Variants in CNBD1 observed in about 807,000 individuals in gnomAD.
The protein encoded by CNBD1 is cyclic nucleotide binding domain containing 1.
In CNBD1, 71 loss-of-function variants were observed where a neutral mutation model predicts 54.4. The ratio of observed to expected loss-of-function variants is 1.30; its 90% CI spans 1.08 to 1.59. The LOEUF is 1.59. Among genes scored for constraint, CNBD1 ranks in the 40% most tolerant of loss-of-function variants. The pLI, the probability that CNBD1 is intolerant of heterozygous loss-of-function variation, is 0.00. For missense variants in CNBD1, 659 were observed against 518.0 expected (o/e 1.27, Z -2.64); for synonymous variants, 182 against 170.7 (o/e 1.07, Z -0.51).
At chr8:87,145,317 T>C (rs1812460073) in intron 4 of CNBD1, among the ~76,000 whole-genome samples, 1 of 152,118 alleles carries the variant, frequency 6.6e-6, no homozygotes, top group African/African-American at 2.4e-5. Context: ...AAAATTAATG[T>C]CAACTTTAGA....
intron 4 of CNBD1, among the ~76,000 whole-genome samples, chr8:86,995,711 TGA>T (rs1243943097): frequency 0.049 from 3,544 of 72,082 alleles, 130 homozygotes; most frequent in African/African-American, 0.13. Flanking sequence ...TGTGTGTGTG[TGA>T]GAGAGAGAGA....
chr8:87,134,747 C>T (rs1383483435), intron 4 of CNBD1, among the ~76,000 whole-genome samples: 7 of 151,378 alleles, frequency 4.6e-5, no homozygotes, highest in East Asian at 3.9e-4. Context: ...GGACTACAGG[C>T]GCCAGTCACC....
At chr8:86,934,034 G>T (rs1321838213) in intron 3 of CNBD1, among the ~76,000 whole-genome samples, 1 of 152,052 alleles carries the variant, frequency 6.6e-6, no homozygotes, top group African/African-American at 2.4e-5. Context: ...CAAAAATTTA[G>T]TATCTATAGA....
chr8:87,339,947 C>T (rs1165715026), intron 8 of CNBD1, among the ~76,000 whole-genome samples: 2 of 152,038 alleles, frequency 1.3e-5, no homozygotes, highest in African/African-American at 4.8e-5. Context: ...TTACAGTATT[C>T]TATTTTTGTC....
At chr8:87,083,585 CTTTTT>C (rs752855766) in intron 4 of CNBD1, among the ~76,000 whole-genome samples, 2 of 117,156 alleles carry the variant, frequency 1.7e-5, no homozygotes, top group African/African-American at 3.3e-5. Context: ...CAATGTATTT[CTTTTT>C]TTTTTTTTTT....
chr8:87,050,754 T>C (rs1317792390), intron 4 of CNBD1, among the ~76,000 whole-genome samples: 2 of 152,234 alleles, frequency 1.3e-5, no homozygotes, highest in African/African-American at 4.8e-5. Context: ...TAATGAGATG[T>C]AGGTCCTGAA....
At chr8:87,317,868 T>C (rs910221487) in intron 8 of CNBD1, among the ~76,000 whole-genome samples, 11 of 135,078 alleles carry the variant, frequency 8.1e-5, no homozygotes, top group African/African-American at 2.7e-4. Flanking sequence ...ACTGTTTCTC[T>C]GTTCTAATAT....
intron 3 of CNBD1, among the ~76,000 whole-genome samples, chr8:86,921,550 C>T (rs894987133): frequency 6.6e-6 from 1 of 152,090 alleles, no homozygotes; most frequent in Non-Finnish European, 1.5e-5. Context: ...GAGGAGGCCT[C>T]ATGATCATGG....
intron 2 of CNBD1, among the ~76,000 whole-genome samples, chr8:87,390,083 A>T (rs1219317622): frequency 6.6e-6 from 1 of 151,084 alleles, no homozygotes; most frequent in Admixed American, 6.6e-5. Flanking sequence ...CTTACACCTT[A>T]TACAAAAATT....
chr8:87,349,886 C>T (rs764790664), intron 8 of CNBD1, among the ~76,000 whole-genome samples: 4 of 152,136 alleles, frequency 2.6e-5, no homozygotes, highest in African/African-American at 2.4e-5. Context: ...GTCTTGACTT[C>T]AACACAAAGA....
intron 4 of CNBD1, among the ~76,000 whole-genome samples, chr8:86,966,851 G>T (rs972596466): frequency 2.0e-5 from 3 of 152,130 alleles, no homozygotes; most frequent in Admixed American, 2.0e-4. Flanking sequence ...GACCCTAGGG[G>T]GTTGCTGTTG....
intron 4 of CNBD1, among the ~76,000 whole-genome samples, chr8:87,087,258 T>TATACATATATATATACAC (rs1811116109): frequency 7.1e-6 from 1 of 141,636 alleles, no homozygotes. Context: ...TATATATATA[T>TATACATATATATATACAC]ATACATATAT....
chr8:87,257,613 G>A (rs939946442), intron 6 of CNBD1, among the ~76,000 whole-genome samples: 7 of 152,022 alleles, frequency 4.6e-5, no homozygotes. Flanking sequence ...AAGCTTTAAG[G>A]ACTCAGGAAG....
At chr8:87,104,656 C>T (rs1811496908) in intron 4 of CNBD1, among the ~76,000 whole-genome samples, 2 of 152,072 alleles carry the variant, frequency 1.3e-5, no homozygotes, top group African/African-American at 4.8e-5. Flanking sequence ...AGTACTAAGC[C>T]CACCTCCTCA....
At chr8:86,947,378 G>T (rs966317557) in intron 4 of CNBD1, among the ~76,000 whole-genome samples, 1 of 151,946 alleles carries the variant, frequency 6.6e-6, no homozygotes, top group Non-Finnish European at 1.5e-5. Flanking sequence ...CTATTTGATG[G>T]CTTACATAAA....
intron 8 of CNBD1, among the ~76,000 whole-genome samples, chr8:87,337,489 A>T (rs895846106): frequency 6.6e-6 from 1 of 152,208 alleles, no homozygotes; most frequent in African/African-American, 2.4e-5. Context: ...GACTGCAGGC[A>T]GCTTCAGCAG....
chr8:86,889,959 G>A (rs565107428), intron 2 of CNBD1, among the ~76,000 whole-genome samples: 190 of 151,720 alleles, frequency 1.3e-3, no homozygotes, highest in African/African-American at 4.3e-3. Context: ...TCTGGAGAGC[G>A]GATTATTTTT....
At chr8:87,259,251 A>G (rs1808086788) in intron 6 of CNBD1, among the ~76,000 whole-genome samples, 1 of 152,180 alleles carries the variant, frequency 6.6e-6, no homozygotes, top group East Asian at 1.9e-4. Context: ...ACAAGAATTT[A>G]CCATGAATTA....
At chr8:87,265,834 A>G (rs945585772) in intron 6 of CNBD1, among the ~76,000 whole-genome samples, 3 of 152,112 alleles carry the variant, frequency 2.0e-5, no homozygotes, top group African/African-American at 7.2e-5. Flanking sequence ...TTTGCTAATC[A>G]CCTCTCTAAA....
Sources: gnomAD v4.1 joint callset for allele counts (sites outside exome capture counted in the v4.1 genomes callset) on GRCh38, gnomAD v4.1.1 for gene constraint, MANE v1.5 for transcripts, NCBI Gene and HGNC (gene_info 2026-07-23, HGNC 2026-07-21) for gene names.